RTL4: variants seen among roughly 807,000 people sequenced by gnomAD.
RTL4 encodes retrotransposon Gag like 4, also known as retrotransposon Gag-like protein 4.
A neutral mutation model predicts 5.3 loss-of-function variants in RTL4; 4 were observed. The observed-to-expected ratio is 0.75, with a 90% CI of 0.37 to 1.72. The LOEUF is 1.72. RTL4 is among the 40% of genes most tolerant of loss of function. RTL4 has a pLI of 0.04. For synonymous variants in RTL4, 98 were observed against 87.3 expected (o/e 1.12, Z -0.68); for missense variants, 260 against 227.1 (o/e 1.14, Z -0.93).
chrX:112,415,428 T>C, the RTL4 span, among the ~76,000 whole-genome samples: 1 of 111,759 alleles, frequency 8.9e-6, no homozygotes, highest in Non-Finnish European at 1.9e-5. Flanking sequence ...TGTGTGAATG[T>C]ACCATAATTT....
the RTL4 span, chrX:112,382,100 C>G: frequency 7.5e-6 from 9 of 1,208,021 alleles, no homozygotes; most frequent in African/African-American, 1.6e-4. Context: ...ACAGTGGTAT[C>G]TGGAGTCCTT....
the RTL4 span, among the ~76,000 whole-genome samples, chrX:112,256,841 A>G: frequency 3.6e-5 from 4 of 112,074 alleles, no homozygotes; most frequent in African/African-American, 1.3e-4. Flanking sequence ...GGTGTATAAG[A>G]ATACAATCTT....
At chrX:112,352,788 A>T in the RTL4 span, among the ~76,000 whole-genome samples, 1 of 111,950 alleles carries the variant, frequency 8.9e-6, no homozygotes. Context: ...CTTCATGACT[A>T]AAACACCAAA....
chrX:112,264,726 C>G, the RTL4 span, among the ~76,000 whole-genome samples: 2 of 111,635 alleles, frequency 1.8e-5, no homozygotes, highest in African/African-American at 6.5e-5. Flanking sequence ...CAATCCCCTC[C>G]CACACTGGAG....
the RTL4 span, among the ~76,000 whole-genome samples, chrX:112,152,764 G>A: frequency 9.0e-6 from 1 of 111,645 alleles, no homozygotes; most frequent in East Asian, 2.8e-4. Flanking sequence ...TAAACGTAAG[G>A]CTTTAGGTCT....
the RTL4 span, among the ~76,000 whole-genome samples, chrX:112,213,729 T>C: frequency 1.8e-5 from 2 of 111,334 alleles, no homozygotes; most frequent in Non-Finnish European, 3.8e-5. Context: ...ATCATGACCA[T>C]CCATCGCCAG....
the RTL4 span, among the ~76,000 whole-genome samples, chrX:112,431,788 G>C: frequency 2.8e-4 from 30 of 107,660 alleles, no homozygotes; most frequent in African/African-American, 9.8e-4. Context: ...GTGCAGGTTA[G>C]TTACATTTGT....
At chrX:112,270,380 A>G in the RTL4 span, among the ~76,000 whole-genome samples, 1 of 112,394 alleles carries the variant, frequency 8.9e-6, no homozygotes, top group African/African-American at 3.2e-5. Flanking sequence ...AATTCCATTG[A>G]TAACAAATGA....
At chrX:112,267,085 T>C in the RTL4 span, among the ~76,000 whole-genome samples, 80 of 111,688 alleles carry the variant, frequency 7.2e-4, no homozygotes, top group Non-Finnish European at 1.2e-3. Flanking sequence ...ATAAACATAC[T>C]GTTATCACTC....
At chrX:112,289,112 C>A in the RTL4 span, among the ~76,000 whole-genome samples, 1 of 111,850 alleles carries the variant, frequency 8.9e-6, no homozygotes, top group Admixed American at 9.5e-5. Context: ...ACAGGGGACA[C>A]CCAGTCGAAT....
chrX:112,334,586 A>G, the RTL4 span, among the ~76,000 whole-genome samples: 2 of 111,956 alleles, frequency 1.8e-5, no homozygotes, highest in Non-Finnish European at 3.8e-5. Flanking sequence ...AAATATATAA[A>G]TAAATATGAT....
chrX:112,148,692 A>G, the RTL4 span, among the ~76,000 whole-genome samples: 1 of 111,897 alleles, frequency 8.9e-6, no homozygotes, highest in African/African-American at 3.2e-5. Flanking sequence ...AGTTCTAGGC[A>G]TGAGACTTTT....
At chrX:112,191,085 G>C in the RTL4 span, among the ~76,000 whole-genome samples, 1 of 112,474 alleles carries the variant, frequency 8.9e-6, no homozygotes, top group Non-Finnish European at 1.9e-5. Context: ...GGTAGGGATG[G>C]TATATAACAA....
the RTL4 span, among the ~76,000 whole-genome samples, chrX:112,219,894 T>A: frequency 8.9e-6 from 1 of 111,973 alleles, no homozygotes; most frequent in African/African-American, 3.2e-5. Context: ...AATCTAATAA[T>A]TGCTTAAGAT....
chrX:112,372,355 GTTAA>G, the RTL4 span, among the ~76,000 whole-genome samples: 27 of 111,676 alleles, frequency 2.4e-4, no homozygotes, highest in Non-Finnish European at 4.3e-4. Flanking sequence ...CTATAACACA[GTTAA>G]TTAATCACTT....
the RTL4 span, among the ~76,000 whole-genome samples, chrX:112,274,199 G>A: frequency 9.0e-6 from 1 of 111,715 alleles, no homozygotes; most frequent in Non-Finnish European, 1.9e-5. Flanking sequence ...CAGGAGAGTA[G>A]TTCAAGTGTG....
the RTL4 span, among the ~76,000 whole-genome samples, chrX:112,133,749 T>G: frequency 1.8e-5 from 2 of 112,196 alleles, no homozygotes; most frequent in Non-Finnish European, 3.8e-5. Flanking sequence ...TCACATAAGG[T>G]TGTGAAAATT....
At chrX:112,274,101 A>T in the RTL4 span, among the ~76,000 whole-genome samples, 1 of 112,168 alleles carries the variant, frequency 8.9e-6, no homozygotes, top group Non-Finnish European at 1.9e-5. Flanking sequence ...TGATCACACC[A>T]CTAGCAAATA....
chrX:112,340,852 G>C, the RTL4 span, among the ~76,000 whole-genome samples: 1 of 110,632 alleles, frequency 9.0e-6, no homozygotes, highest in East Asian at 2.8e-4. Context: ...GAGTAGCTGG[G>C]ACTATAGGTA....
Sources: gnomAD v4.1 joint callset for allele counts (sites outside exome capture counted in the v4.1 genomes callset) on GRCh38, gnomAD v4.1.1 for gene constraint, MANE v1.5 for transcripts, NCBI Gene and HGNC (gene_info 2026-07-23, HGNC 2026-07-21) for gene names.